Variants in CNTNAP4 observed in about 807,000 individuals in gnomAD.
CNTNAP4 encodes contactin-associated protein-like 4.
Under a neutral mutation model 148.4 loss-of-function variants are expected in CNTNAP4, and 98 were observed. The ratio of observed to expected loss-of-function variants is 0.66; its 90% CI spans 0.56 to 0.78. The LOEUF (loss-of-function observed/expected upper bound fraction) is 0.78, where lower values mean the gene tolerates loss of function less well. Ranked by LOEUF, CNTNAP4 falls within the 30% of genes least tolerant of loss-of-function variation. The pLI is 0.00. For missense variants in CNTNAP4, 1,935 were observed against 1,565.6 expected (o/e 1.24, Z -3.98); for synonymous variants, 730 against 565.1 (o/e 1.29, Z -4.14).
intron 21 of CNTNAP4, among the ~76,000 whole-genome samples, chr16:76,546,772 C>G (rs2084754691): frequency 6.6e-6 from 1 of 152,098 alleles, no homozygotes; most frequent in African/African-American, 2.4e-5. Flanking sequence ...TGATGATATT[C>G]CAAAGGACTA....
chr16:76,397,464 T>C (rs2078241712), intron 3 of CNTNAP4, among the ~76,000 whole-genome samples: 2 of 151,954 alleles, frequency 1.3e-5, no homozygotes, highest in African/African-American at 4.8e-5. Flanking sequence ...GCTGAAGGCA[T>C]GCGACAGAGG....
At chr16:76,297,096 C>G (rs1244883246) in intron 1 of CNTNAP4, among the ~76,000 whole-genome samples, 1 of 152,172 alleles carries the variant, frequency 6.6e-6, no homozygotes, top group Non-Finnish European at 1.5e-5. Context: ...AGGGAAATCT[C>G]TTTTTCAAAA....
chr16:76,319,127 C>T (rs1461507520), intron 2 of CNTNAP4, among the ~76,000 whole-genome samples: 3 of 152,118 alleles, frequency 2.0e-5, no homozygotes, highest in East Asian at 3.9e-4. Flanking sequence ...AAGTGGCTCA[C>T]ACCTGTAATC....
intron 12 of CNTNAP4, among the ~76,000 whole-genome samples, chr16:76,481,451 G>A (rs370356586): frequency 3.1e-4 from 47 of 152,292 alleles, no homozygotes; most frequent in African/African-American, 1.0e-3. Flanking sequence ...AAGCCAGGGC[G>A]GGGGCATAAT....
intron 4 of CNTNAP4, among the ~76,000 whole-genome samples, chr16:76,429,316 A>G (rs796600446): frequency 2.8e-4 from 42 of 151,794 alleles, no homozygotes; most frequent in African/African-American, 1.0e-3. Flanking sequence ...TAGTAAAACC[A>G]ATTTCAAAGT....
At chr16:76,310,139 T>A (rs1960942860) in intron 1 of CNTNAP4, among the ~76,000 whole-genome samples, 1 of 152,098 alleles carries the variant, frequency 6.6e-6, no homozygotes, top group African/African-American at 2.4e-5. Flanking sequence ...CCATTTGCCA[T>A]TTGTGTATTC....
chr16:76,393,687 GA>G (rs142796425), intron 3 of CNTNAP4, among the ~76,000 whole-genome samples: 185 of 145,820 alleles, frequency 1.3e-3, no homozygotes, highest in Middle Eastern at 7.2e-3. Context: ...ATTCCTGGCA[GA>G]AAAAAAAAAA....
intron 1 of CNTNAP4, among the ~76,000 whole-genome samples, chr16:76,297,062 G>A (rs548051302): frequency 1.2e-4 from 19 of 152,246 alleles, no homozygotes; most frequent in Middle Eastern, 3.4e-3. Context: ...ACTTATAACT[G>A]AACTCAAAAG....
intron 3 of CNTNAP4, among the ~76,000 whole-genome samples, chr16:76,415,929 T>C (rs917801750): frequency 1.1e-4 from 6 of 54,322 alleles, no homozygotes; most frequent in Non-Finnish European, 2.8e-4. Flanking sequence ...ATATACTGTT[T>C]GTTTTTTTTT....
intron 10 of CNTNAP4, among the ~76,000 whole-genome samples, chr16:76,468,543 A>G (rs2081257286): frequency 6.6e-6 from 1 of 152,122 alleles, no homozygotes; most frequent in Non-Finnish European, 1.5e-5. Flanking sequence ...GCTAGAGTGC[A>G]GTGGTGCGAT....
chr16:76,472,240 C>G (rs911749557), intron 10 of CNTNAP4, among the ~76,000 whole-genome samples: 1 of 123,454 alleles, frequency 8.1e-6, no homozygotes, highest in African/African-American at 2.6e-5. Context: ...ACCTAAATTG[C>G]CATAGGTTAC....
intron 12 of CNTNAP4, among the ~76,000 whole-genome samples, chr16:76,488,904 G>T (rs982204317): frequency 3.4e-4 from 51 of 152,126 alleles, no homozygotes; most frequent in African/African-American, 1.2e-3. Context: ...AGACATTCAG[G>T]CACCAATAGT....
At chr16:76,502,369 A>C (rs1453360850) in intron 15 of CNTNAP4, among the ~76,000 whole-genome samples, 1 of 142,094 alleles carries the variant, frequency 7.0e-6, no homozygotes, top group Non-Finnish European at 1.5e-5. Context: ...CGCCATAGGT[A>C]CTTTTTTTTT....
chr16:76,460,940 C>T (rs1048683765), intron 8 of CNTNAP4, among the ~76,000 whole-genome samples: 1 of 151,158 alleles, frequency 6.6e-6, no homozygotes, highest in Non-Finnish European at 1.5e-5. Context: ...GAGCGTCTGT[C>T]ACAACATTTT....
rs186889805 is a variant in CNTNAP4, at chr16:76,544,090, C to A, written c.3442+3300C>A. Among the ~76,000 whole-genome samples, 207 of 152,112 alleles carry A rather than the reference C, an allele frequency of 1.4e-3. 2 individuals are homozygous for A. Among genetic ancestry groups the A allele is most frequent in the African/African-American group, 4.7e-3 (194 of 41,482 alleles). ...TTTGTATCGACATGAGTGTAATGTGCCCCAATATTGCTTTAGATAAAGTAG... is the reference window on the plus strand; with the variant it reads ...TTTGTATCGACATGAGTGTAATGTGACCCAATATTGCTTTAGATAAAGTAG... On this transcript the variant is annotated intron_variant, in intron 21 of 23. Transcript: ENST00000611870.
At chr16:76,550,631 T>G (rs1428550062) in intron 21 of CNTNAP4, among the ~76,000 whole-genome samples, 1 of 151,554 alleles carries the variant, frequency 6.6e-6, no homozygotes, top group Non-Finnish European at 1.5e-5. Flanking sequence ...ATGAGAGTTT[T>G]TCTTTTTAAT....
intron 12 of CNTNAP4, among the ~76,000 whole-genome samples, chr16:76,480,433 A>G (rs571616677): frequency 8.5e-5 from 13 of 152,346 alleles, no homozygotes; most frequent in East Asian, 5.8e-4. Flanking sequence ...CACCCTTTCA[A>G]TGAACTAATA....
At chr16:76,521,924 T>C (rs2083468205) in intron 16 of CNTNAP4, 115 bp from the exon 17 acceptor site, 2 of 915,828 alleles carry the variant, frequency 2.2e-6, no homozygotes, top group South Asian at 2.9e-5. Context: ...CCATCTATGT[T>C]CGTTATCTTT....
At chr16:76,303,015 G>T (rs1960141659) in intron 1 of CNTNAP4, among the ~76,000 whole-genome samples, 1 of 152,294 alleles carries the variant, frequency 6.6e-6, no homozygotes, top group Admixed American at 6.5e-5. Flanking sequence ...CTGAGCTAAT[G>T]CACACCTACT....
Sources: allele counts gnomAD v4.1 joint callset (sites outside exome capture counted in the v4.1 genomes callset), GRCh38; gene constraint gnomAD v4.1.1; transcripts MANE v1.5; gene names NCBI Gene and HGNC (gene_info 2026-07-23, HGNC 2026-07-21).